The following LRRC4C variants were observed in gnomAD, a reference collection of about 807,000 sequenced individuals.
The protein encoded by LRRC4C is leucine rich repeat containing 4C.
In LRRC4C, 5 loss-of-function variants were observed where a neutral mutation model predicts 33.6. That is an observed-to-expected ratio of 0.15 (90% confidence interval 0.08 to 0.31). The LOEUF (loss-of-function observed/expected upper bound fraction) is 0.31, where lower values mean the gene tolerates loss of function less well. Ranked by LOEUF, LRRC4C falls within the 10% of genes least tolerant of loss-of-function variation. The pLI is 1.00. For synonymous variants in LRRC4C, 329 were observed against 302.0 expected (o/e 1.09, Z -0.93); for missense variants, 560 against 796.7 (o/e 0.70, Z 3.58).
chr11:40,413,828 A>G (rs1238444212), intron 3 of LRRC4C, among the ~76,000 whole-genome samples: 1 of 151,840 alleles, frequency 6.6e-6, no homozygotes, highest in Non-Finnish European at 1.5e-5. Flanking sequence ...TTATCATGAA[A>G]CTCTTGATAT....
chr11:40,310,046 G>A (rs954941734), intron 4 of LRRC4C, among the ~76,000 whole-genome samples: 3 of 152,030 alleles, frequency 2.0e-5, no homozygotes, highest in Admixed American at 6.5e-5. Flanking sequence ...TCACTAACTC[G>A]GTTAGCTTGG....
chr11:41,199,404 AAC>A (rs1946315206), intron 1 of LRRC4C, among the ~76,000 whole-genome samples: 1 of 152,066 alleles, frequency 6.6e-6, no homozygotes, highest in African/African-American at 2.4e-5. Flanking sequence ...AGAAAAAACT[AAC>A]AGTTTTCTGT....
intron 1 of LRRC4C, among the ~76,000 whole-genome samples, chr11:41,424,817 TCCC>T (rs1954985268): frequency 6.6e-6 from 1 of 152,030 alleles, no homozygotes; most frequent in African/African-American, 2.4e-5. Context: ...GTGTCATGCT[TCCC>T]CAAGGAATAT....
intron 2 of LRRC4C, among the ~76,000 whole-genome samples, chr11:40,863,998 T>G (rs1174683978): frequency 6.6e-6 from 1 of 152,038 alleles, no homozygotes; most frequent in East Asian, 1.9e-4. Flanking sequence ...GAAGGAAAAA[T>G]AATTATATTG....
chr11:40,686,718 G>A (rs1433637134), intron 2 of LRRC4C, among the ~76,000 whole-genome samples: 1 of 152,070 alleles, frequency 6.6e-6, no homozygotes, highest in Non-Finnish European at 1.5e-5. Flanking sequence ...TACAAGAGCA[G>A]TGTTTCTCTA....
chr11:41,213,857 C>T (rs1946924533), intron 1 of LRRC4C, among the ~76,000 whole-genome samples: 3 of 152,170 alleles, frequency 2.0e-5, no homozygotes, highest in African/African-American at 7.2e-5. Context: ...CATCAACTTA[C>T]ATTAAGTTCC....
chr11:40,834,907 GACAGACACACACACACACAC>G (rs1349347216), intron 2 of LRRC4C, among the ~76,000 whole-genome samples: 2 of 45,206 alleles, frequency 4.4e-5, no homozygotes, highest in African/African-American at 4.9e-5. Context: ...CAGACAGACA[GACAGACACACACACACACAC>G]ACACACACAC....
chr11:40,726,177 A>T (rs932439738), intron 2 of LRRC4C, among the ~76,000 whole-genome samples: 1 of 152,140 alleles, frequency 6.6e-6, no homozygotes, highest in East Asian at 1.9e-4. Context: ...AAAAAAAAAA[A>T]AAATTCCTGG....
At chr11:40,510,144 A>T (rs748088202) in intron 3 of LRRC4C, among the ~76,000 whole-genome samples, 6 of 150,880 alleles carry the variant, frequency 4.0e-5, no homozygotes, top group Non-Finnish European at 8.9e-5. Context: ...CTGACATAGA[A>T]CCCTGCAATC....
intron 1 of LRRC4C, among the ~76,000 whole-genome samples, chr11:41,224,672 C>T (rs1947452280): frequency 6.6e-6 from 1 of 152,154 alleles, no homozygotes; most frequent in Non-Finnish European, 1.5e-5. Flanking sequence ...ATACTGTATT[C>T]AATCTTGAAA....
chr11:41,259,738 C>G (rs1224042630), intron 1 of LRRC4C, among the ~76,000 whole-genome samples: 1 of 152,044 alleles, frequency 6.6e-6, no homozygotes, highest in Non-Finnish European at 1.5e-5. Flanking sequence ...AATCTTACTA[C>G]TGTGTAGCTG....
chr11:41,284,144 A>G (rs1412670327), intron 1 of LRRC4C, among the ~76,000 whole-genome samples: 3 of 152,222 alleles, frequency 2.0e-5, no homozygotes, highest in South Asian at 2.1e-4. Context: ...AAATATTAAC[A>G]ATGATTACGT....
At chr11:41,052,031 T>C (rs1052126053) in intron 1 of LRRC4C, among the ~76,000 whole-genome samples, 1 of 152,170 alleles carries the variant, frequency 6.6e-6, no homozygotes, top group Non-Finnish European at 1.5e-5. Context: ...ACATGTTTAT[T>C]GAAATCCTCT....
chr11:40,171,604 TCTC>T (rs1860052417), intron 5 of LRRC4C, among the ~76,000 whole-genome samples: 1 of 152,134 alleles, frequency 6.6e-6, no homozygotes, highest in Admixed American at 6.5e-5. Context: ...ATAGAAATGA[TCTC>T]CTAGAAATAA....
chr11:40,839,536 G>T (rs568509467), intron 2 of LRRC4C, among the ~76,000 whole-genome samples: 5 of 152,094 alleles, frequency 3.3e-5, no homozygotes, highest in Non-Finnish European at 2.9e-5. Context: ...GTGAGCCACC[G>T]CGCCTGGCCA....
chr11:40,938,114 A>G (rs1214406713), intron 1 of LRRC4C, among the ~76,000 whole-genome samples: 1 of 152,152 alleles, frequency 6.6e-6, no homozygotes, highest in Non-Finnish European at 1.5e-5. Flanking sequence ...AAAAAGCATC[A>G]CTTAAGAATG....
intron 4 of LRRC4C, among the ~76,000 whole-genome samples, chr11:40,291,931 CTTTT>C (rs113937225): frequency 7.0e-6 from 1 of 143,884 alleles, no homozygotes; most frequent in African/African-American, 2.5e-5. Flanking sequence ...TCTTGGGGAG[CTTTT>C]TTTTTTTTTC....
intron 3 of LRRC4C, among the ~76,000 whole-genome samples, chr11:40,643,576 C>A (rs2136103274): frequency 6.6e-6 from 1 of 152,276 alleles, no homozygotes; most frequent in Non-Finnish European, 1.5e-5. Context: ...AGAGGAGAGT[C>A]AGGACTTTCA....
At chr11:41,062,037 C>G in intron 1 of LRRC4C, among the ~76,000 whole-genome samples, 1 of 152,266 alleles carries the variant, frequency 6.6e-6, no homozygotes, top group East Asian at 1.9e-4. Flanking sequence ...ATCTCCTGTA[C>G]TTAGAACATA....
Sources: gnomAD v4.1 joint callset for allele counts (sites outside exome capture counted in the v4.1 genomes callset) on GRCh38, gnomAD v4.1.1 for gene constraint, MANE v1.5 for transcripts, NCBI Gene and HGNC (gene_info 2026-07-23, HGNC 2026-07-21) for gene names.